The following GABBR2 variants were observed in gnomAD, a reference collection of about 807,000 sequenced individuals.
GABBR2 encodes the protein gamma-aminobutyric acid type B receptor subunit 2, also known as G-protein coupled receptor 51.
GABBR2 carries 23 observed loss-of-function variants against 105.6 expected under a neutral mutation model. The observed-to-expected ratio is 0.22, with a 90% CI of 0.16 to 0.31. The LOEUF (loss-of-function observed/expected upper bound fraction) is 0.31, where lower values mean the gene tolerates loss of function less well. Ranked by LOEUF, GABBR2 falls within the 10% of genes least tolerant of loss-of-function variation. GABBR2 has a pLI of 1.00. For synonymous variants in GABBR2, 478 were observed against 499.7 expected (o/e 0.96, Z 0.58); for missense variants, 734 against 1,245.5 (o/e 0.59, Z 6.18).
At chr9:98,568,357 A>T (rs1377443361) in intron 2 of GABBR2, among the ~76,000 whole-genome samples, 1 of 152,176 alleles carries the variant, frequency 6.6e-6, no homozygotes, top group Non-Finnish European at 1.5e-5. Flanking sequence ...ACAATCCTGT[A>T]ACAAGGGATG....
chr9:98,609,236 C>A (rs1206412653), intron 1 of GABBR2, among the ~76,000 whole-genome samples: 1 of 152,184 alleles, frequency 6.6e-6, no homozygotes, highest in Non-Finnish European at 1.5e-5. Context: ...TACAGACTGG[C>A]ATCCCAGACA....
intron 15 of GABBR2, 133 bp from the exon 16 acceptor site, chr9:98,303,556 G>A: frequency 1.3e-6 from 1 of 758,928 alleles, no homozygotes; most frequent in Non-Finnish European, 2.2e-6. Context: ...CAGGCTGGGA[G>A]TCAGGAGACC....
At chr9:98,671,153 G>A (rs890646412) in intron 1 of GABBR2, among the ~76,000 whole-genome samples, 4 of 150,564 alleles carry the variant, frequency 2.7e-5, no homozygotes, top group African/African-American at 4.9e-5. Context: ...CCACCCCCCC[G>A]CCCCACTTCC....
chr9:98,300,265 G>A (rs2131345782), intron 16 of GABBR2, among the ~76,000 whole-genome samples: 1 of 151,862 alleles, frequency 6.6e-6, no homozygotes, highest in Non-Finnish European at 1.5e-5. Context: ...ACTCTGACCT[G>A]CAGGGTCTCA....
chr9:98,689,556 A>G (rs1431395576), intron 1 of GABBR2, among the ~76,000 whole-genome samples: 1 of 152,210 alleles, frequency 6.6e-6, no homozygotes, highest in African/African-American at 2.4e-5. Context: ...GGATTCCCAC[A>G]TTCCAGGTTT....
chr9:98,292,644 C>T (rs1830319530), intron 18 of GABBR2, among the ~76,000 whole-genome samples: 1 of 152,218 alleles, frequency 6.6e-6, no homozygotes, highest in African/African-American at 2.4e-5. Flanking sequence ...CAAGATCATG[C>T]TGGCAAGAAG....
chr9:98,517,752 G>A (rs747877370), intron 3 of GABBR2, among the ~76,000 whole-genome samples: 19 of 152,168 alleles, frequency 1.2e-4, no homozygotes, highest in African/African-American at 2.2e-4. Flanking sequence ...AGGGCAGCAC[G>A]TGAGTGGCCT....
At position 98,290,276 on chromosome 9, in the gene GABBR2, T is replaced by TTTTTTTTTTTTTTTTTTTTTTTTA. The variant is rs1830278244; in HGVS notation, c.*307_*308insTAAAAAAAAAAAAAAAAAAAAAAA. On this transcript the variant is annotated 3_prime_UTR_variant, in exon 19 of 19. Transcript: ENST00000259455. Reference sequence around the variant, plus strand: ...TCCTTGTCTAGTTTTTTTGTTTTTTTTTTTTTTTTTTTTTTTTTGCAAGTT... The same window carrying TTTTTTTTTTTTTTTTTTTTTTTTA: ...TCCTTGTCTAGTTTTTTTGTTTTTTTTTTTTTTTTTTTTTTTTTTTTTTATTTTTTTTTTTTTTTTTTGCAAGTT... 1 of 109,340 alleles carries TTTTTTTTTTTTTTTTTTTTTTTTA rather than the reference T, an allele frequency of 9.1e-6. No individual in the cohort carries two copies. The highest frequency in any genetic ancestry group is 1.8e-5 in the Non-Finnish European group (1 of 55,780). The allele number at this position is 109,340 out of a possible 1,614,324, so 6.8% of individuals were successfully genotyped here.
chr9:98,428,212 G>A (rs1431671527), intron 7 of GABBR2, among the ~76,000 whole-genome samples: 1 of 152,198 alleles, frequency 6.6e-6, no homozygotes, highest in East Asian at 1.9e-4. Context: ...GAGTAGACAA[G>A]GGAAGGTGAT....
At chr9:98,419,538 C>A (rs575719306) in intron 7 of GABBR2, among the ~76,000 whole-genome samples, 66 of 152,192 alleles carry the variant, frequency 4.3e-4, no homozygotes, top group Non-Finnish European at 8.4e-4. Context: ...AGCGGAAGAA[C>A]CTCTCAAACA....
At chr9:98,393,675 G>A (rs1459410187) in intron 9 of GABBR2, among the ~76,000 whole-genome samples, 1 of 152,236 alleles carries the variant, frequency 6.6e-6, no homozygotes, top group African/African-American at 2.4e-5. Flanking sequence ...CCATAAGAGA[G>A]GCAGAGAAGA....
At chr9:98,397,838 G>C (rs143450913) in intron 8 of GABBR2, among the ~76,000 whole-genome samples, 1 of 152,170 alleles carries the variant, frequency 6.6e-6, no homozygotes, top group African/African-American at 2.4e-5. Flanking sequence ...TGTGTCCAGG[G>C]CTTCTGATTC....
At chr9:98,519,755 A>C (rs1490413584) in intron 3 of GABBR2, among the ~76,000 whole-genome samples, 1 of 145,776 alleles carries the variant, frequency 6.9e-6, no homozygotes, top group Non-Finnish European at 1.5e-5. Context: ...TAAATACTTT[A>C]GGCCTTGCAG....
chr9:98,404,379 A>G (rs530124419), intron 8 of GABBR2, among the ~76,000 whole-genome samples: 45 of 152,330 alleles, frequency 3.0e-4, no homozygotes, highest in Non-Finnish European at 2.5e-4. Flanking sequence ...TATGTCTACA[A>G]GATTGCATTA....
chr9:98,288,686 T>C lies in GABBR2; in HGVS notation c.*1898A>G, dbSNP rs1273292883. ...AATACACAGTGAGTGACAACACCGA[T>C]TTTTAGTGCCTAAACAGAGAATGAC... is the stretch of plus-strand genomic sequence containing the variant. On this transcript the variant is annotated 3_prime_UTR_variant, in exon 19 of 19. Transcript: ENST00000259455. The C allele has an allele frequency of 2.6e-5, 4 of 152,624 alleles. No individual in the cohort carries two copies. The highest frequency in any genetic ancestry group is 5.9e-5 in the Non-Finnish European group (4 of 68,042). 9.5% of individuals were successfully genotyped at this position (152,624 alleles called of 1,614,324 possible).
rs375638558 is a variant in GABBR2 at position 98,559,271 on chromosome 9, A to C, written c.460-17228T>G. On this transcript the variant is annotated intron_variant, in intron 2 of 18. Transcript: ENST00000259455. ...CAGCCTCCCCAGTAACTTGGACTAC[A>C]GGCATGCACCACCACTCCTGGCTAA... is the stretch of plus-strand genomic sequence containing the variant. Among the ~76,000 whole-genome samples, 319 of 152,200 alleles carry C rather than the reference A, an allele frequency of 2.1e-3. 3 individuals are homozygous for C. The highest frequency in any genetic ancestry group is 7.4e-3 in the African/African-American group (308 of 41,522).
chr9:98,560,519 CAT>C (rs1402550196), intron 2 of GABBR2, among the ~76,000 whole-genome samples: 2 of 151,782 alleles, frequency 1.3e-5, no homozygotes, highest in Non-Finnish European at 1.5e-5. Context: ...CACATACACA[CAT>C]ACACACACAC....
chr9:98,600,012 G>A (rs1416126234), intron 1 of GABBR2, among the ~76,000 whole-genome samples: 3 of 152,164 alleles, frequency 2.0e-5, no homozygotes, highest in Admixed American at 6.5e-5. Context: ...GCAGGCACGC[G>A]CTGGCTAATT....
At chr9:98,371,899 G>A (rs796739229) in intron 11 of GABBR2, among the ~76,000 whole-genome samples, 41 of 152,304 alleles carry the variant, frequency 2.7e-4, no homozygotes, top group African/African-American at 9.9e-4. Context: ...AAAGGTGATG[G>A]TCCAGCCCTC....
Sources: allele counts gnomAD v4.1 joint callset (sites outside exome capture counted in the v4.1 genomes callset), GRCh38; gene constraint gnomAD v4.1.1; transcripts MANE v1.5; gene names NCBI Gene and HGNC (gene_info 2026-07-23, HGNC 2026-07-21).